Variants in MYRIP observed in about 807,000 individuals in gnomAD.
MYRIP encodes myosin VIIA and Rab interacting protein.
MYRIP carries 49 observed loss-of-function variants against 98.0 expected under a neutral mutation model. The observed-to-expected ratio is 0.50, with a 90% confidence interval of 0.40 to 0.63. The LOEUF (loss-of-function observed/expected upper bound fraction) is 0.63, where lower values mean the gene tolerates loss of function less well. MYRIP is among the 30% of genes least tolerant of loss of function. MYRIP has a pLI of 0.00. For missense variants in MYRIP, 1,004 were observed against 1,058.2 expected, an observed-to-expected ratio of 0.95 and a Z score of 0.71; for synonymous variants, 404 against 409.5, an observed-to-expected ratio of 0.99 and a Z score of 0.16.
chr3:39,941,059 G>A (rs543378128), intron 2 of MYRIP, among the ~76,000 whole-genome samples: 2 of 152,228 alleles, frequency 1.3e-5, no homozygotes, highest in Admixed American at 1.3e-4. Context: ...ATCATTTACT[G>A]TCTGGCTGGG....
intron 2 of MYRIP, among the ~76,000 whole-genome samples, chr3:39,975,771 C>A (rs941505240): frequency 1.3e-5 from 2 of 152,168 alleles, no homozygotes; most frequent in African/African-American, 4.8e-5. Context: ...TGATCTTTGA[C>A]AAACCTGAGA....
intron 12 of MYRIP, among the ~76,000 whole-genome samples, chr3:40,241,425 G>C (rs1953011233): frequency 1.3e-5 from 2 of 152,172 alleles, no homozygotes; most frequent in African/African-American, 4.8e-5. Flanking sequence ...GTGGTTCTGT[G>C]CCCTCAGAGA....
Position 40,153,930 on chromosome 3 carries a change from A to G in MYRIP, c.469+2746A>G, listed in dbSNP as rs550863125. Among the ~76,000 whole-genome samples the G allele has an allele frequency of 5.3e-5, 8 of 152,226 alleles. 1 individual carries two copies. In the South Asian group the frequency reaches 1.7e-3, roughly 32 times the overall value. ...GCTGAGGCAGGCAGATCACAAGGTC[A>G]GGAGATCGAGAATATCCTGGCCAAC... On this transcript the variant is annotated intron_variant, in intron 4 of 16. Transcript: ENST00000302541.
Position 40,189,971 on chromosome 3 carries a change from T to C in MYRIP, c.1173T>C (p.Asp391=), listed in dbSNP as rs1559442908. ...CCTCCAGTGTGGCATCTGCCTACGATGAGATGGGCTCCGATAGCGAGGAAG... is the reference window on the plus strand; with the variant it reads ...CCTCCAGTGTGGCATCTGCCTACGACGAGATGGGCTCCGATAGCGAGGAAG... ...EVASSVASAY[D]EMGSDSEEDF... is the part of the protein sequence containing the mutation. The change falls in exon 10 of 17, where the codon GAT becomes GAC. Residue 391 remains aspartate (D), a synonymous_variant. Coordinates refer to ENST00000302541, the MANE Select transcript of MYRIP (RefSeq NM_015460.4). 2 of 1,613,996 alleles carry C rather than the reference T, an allele frequency of 1.2e-6. No homozygotes were observed. The highest frequency in any genetic ancestry group is 1.7e-6 in the Non-Finnish European group (2 of 1,179,970).
intron 12 of MYRIP, among the ~76,000 whole-genome samples, chr3:40,243,569 T>C (rs2125712369): frequency 6.6e-6 from 1 of 152,248 alleles, no homozygotes; most frequent in East Asian, 1.9e-4. Flanking sequence ...TTTATATATG[T>C]TGATTAAACC....
intron 1 of MYRIP, among the ~76,000 whole-genome samples, chr3:39,847,416 A>G (rs1941997044): frequency 6.6e-6 from 1 of 152,182 alleles, no homozygotes; most frequent in Non-Finnish European, 1.5e-5. Context: ...TCTTCTCTTC[A>G]TGTTCATAAC....
At chr3:40,164,940 G>A (rs1481602646) in intron 5 of MYRIP, among the ~76,000 whole-genome samples, 3 of 152,206 alleles carry the variant, frequency 2.0e-5, no homozygotes, top group African/African-American at 4.8e-5. Context: ...GAAGGTACAT[G>A]AGAGCATGGA....
intron 16 of MYRIP, among the ~76,000 whole-genome samples, chr3:40,257,166 A>C (rs191901118): frequency 6.6e-6 from 1 of 151,592 alleles, no homozygotes; most frequent in Admixed American, 6.7e-5. Context: ...CTTTACAAAA[A>C]ATAAAAAGTT....
At chr3:39,970,431 A>G (rs1945552430) in intron 2 of MYRIP, among the ~76,000 whole-genome samples, 1 of 152,162 alleles carries the variant, frequency 6.6e-6, no homozygotes, top group South Asian at 2.1e-4. Flanking sequence ...GAACTGTGTT[A>G]GAATAACTGT....
chr3:40,022,329 A>G lies in MYRIP; in HGVS notation c.111-21721A>G, dbSNP rs1947016878. ...TGGGCTATAATCGAGTTAAGTACAA[A>G]GCAGTAGCTATGCATGGCAGAACTA... On this transcript the variant is annotated intron_variant, in intron 2 of 16. Transcript: ENST00000302541. 2.0e-5 allele frequency among the ~76,000 whole-genome samples: 3 copies of G among 152,360 alleles called. No individual in the cohort carries two copies. In the South Asian group the frequency reaches 6.2e-4, roughly 32 times the overall value.
intron 11 of MYRIP, among the ~76,000 whole-genome samples, chr3:40,213,695 G>A (rs960866342): frequency 6.6e-6 from 1 of 151,788 alleles, no homozygotes; most frequent in African/African-American, 2.4e-5. Flanking sequence ...GCGCCACTGC[G>A]CCACCCTTGT....
intron 2 of MYRIP, among the ~76,000 whole-genome samples, chr3:39,940,819 A>G (rs2125708806): frequency 6.6e-6 from 1 of 152,318 alleles, no homozygotes; most frequent in African/African-American, 2.4e-5. Flanking sequence ...TAAATTTATG[A>G]CAATATAGAA....
chr3:40,247,638 C>G (rs1007063096), intron 13 of MYRIP, among the ~76,000 whole-genome samples: 16 of 152,190 alleles, frequency 1.1e-4, no homozygotes, highest in Non-Finnish European at 1.6e-4. Context: ...ATTCTCTTGC[C>G]TCAGCCTCCC....
At chr3:40,197,245 CT>C (rs1250807056) in intron 10 of MYRIP, among the ~76,000 whole-genome samples, 7 of 152,262 alleles carry the variant, frequency 4.6e-5, no homozygotes, top group Admixed American at 4.6e-4. Context: ...TCGCGCTACT[CT>C]GAGAATCTAA....
intron 2 of MYRIP, among the ~76,000 whole-genome samples, chr3:39,963,237 G>C (rs547759813): frequency 6.6e-6 from 1 of 152,232 alleles, no homozygotes; most frequent in African/African-American, 2.4e-5. Context: ...GAGATGATGT[G>C]AGTGAACAGC....
chr3:40,000,976 C>A (rs910718211), intron 2 of MYRIP, among the ~76,000 whole-genome samples: 2 of 152,132 alleles, frequency 1.3e-5, no homozygotes, highest in African/African-American at 4.8e-5. Context: ...CTCATGAATT[C>A]TTTGTATTGG....
intron 3 of MYRIP, among the ~76,000 whole-genome samples, chr3:40,082,499 A>T (rs1169943096): frequency 1.3e-5 from 2 of 152,188 alleles, no homozygotes; most frequent in African/African-American, 4.8e-5. Flanking sequence ...TTTATATTTA[A>T]TTACCCAAAA....
At chr3:40,103,307 C>T (rs1195279198) in intron 3 of MYRIP, among the ~76,000 whole-genome samples, 1 of 152,216 alleles carries the variant, frequency 6.6e-6, no homozygotes, top group Non-Finnish European at 1.5e-5. Flanking sequence ...GGCACCCTTG[C>T]CCCACTGCCT....
intron 2 of MYRIP, among the ~76,000 whole-genome samples, chr3:40,019,323 C>T (rs550986777): frequency 6.6e-6 from 1 of 152,296 alleles, no homozygotes; most frequent in Admixed American, 6.5e-5. Context: ...CCTTCTCAAA[C>T]ACACCACGTT....
Sources: allele counts gnomAD v4.1 joint callset (sites outside exome capture counted in the v4.1 genomes callset), GRCh38; gene constraint gnomAD v4.1.1; transcripts MANE v1.5; gene names NCBI Gene and HGNC (gene_info 2026-07-23, HGNC 2026-07-21).